Variants in PTPRE observed in about 807,000 individuals in gnomAD.
The protein encoded by PTPRE is receptor-type tyrosine-protein phosphatase epsilon.
A neutral mutation model predicts 102.0 loss-of-function variants in PTPRE; 51 were observed. The observed-to-expected ratio is 0.50, with a 90% CI of 0.40 to 0.63. The LOEUF is 0.63. PTPRE is among the 30% of genes least tolerant of loss of function. The pLI is 0.00. For synonymous variants in PTPRE, 345 were observed against 348.2 expected (o/e 0.99, Z 0.10); for missense variants, 752 against 915.1 (o/e 0.82, Z 2.30).
At chr10:128,017,956 C>G (rs1564887956) in intron 2 of PTPRE, among the ~76,000 whole-genome samples, 1 of 152,216 alleles carries the variant, frequency 6.6e-6, no homozygotes, top group Admixed American at 6.5e-5. Flanking sequence ...GCATCACACA[C>G]AGGGACAGGT....
chr10:128,059,434 G>A (rs905175359), intron 7 of PTPRE, among the ~76,000 whole-genome samples: 2 of 152,194 alleles, frequency 1.3e-5, no homozygotes, highest in South Asian at 2.1e-4. Flanking sequence ...CAGCCTTCCA[G>A]GTGAAGGTGA....
At chr10:127,927,383 TC>T (rs1162196005) in intron 1 of PTPRE, among the ~76,000 whole-genome samples, 1 of 152,196 alleles carries the variant, frequency 6.6e-6, no homozygotes, top group African/African-American at 2.4e-5. Flanking sequence ...GGCAAGACAC[TC>T]CGCATGAGAG....
At position 128,070,986 on chromosome 10, in the gene PTPRE, T is replaced by C; in HGVS notation, c.1387+85T>C. 2 of 1,357,768 alleles carry C rather than the reference T, an allele frequency of 1.5e-6. No homozygotes were observed. The highest frequency in any genetic ancestry group is 1.2e-5 in the South Asian group (1 of 82,410). 84.1% of individuals were successfully genotyped at this position (1,357,768 alleles called of 1,614,324 possible). ...CATCCTGGAGAAGCCATTGACCGCT[T>C]ACCCCTGTGCACCAGGGTCAAAAGC... On this transcript the variant is annotated intron_variant, in intron 15 of 20. Transcript: ENST00000254667. The surrounding 1 kb of genome is among the most constrained non-coding windows in gnomAD (Gnocchi z 4.8).
intron 1 of PTPRE, among the ~76,000 whole-genome samples, chr10:127,973,063 C>T (rs1320482603): frequency 6.6e-6 from 1 of 152,220 alleles, no homozygotes; most frequent in Admixed American, 6.5e-5. Flanking sequence ...AACAGAATGC[C>T]TGTCAAACAT....
intron 1 of PTPRE, among the ~76,000 whole-genome samples, chr10:127,950,192 G>C (rs1848915012): frequency 6.6e-6 from 1 of 152,014 alleles, no homozygotes; most frequent in African/African-American, 2.4e-5. Context: ...AACATGTGTG[G>C]GAGTGGATAT....
chr10:128,075,028 G>C (rs1294242452), intron 17 of PTPRE, among the ~76,000 whole-genome samples: 1 of 152,116 alleles, frequency 6.6e-6, no homozygotes, highest in African/African-American at 2.4e-5. Flanking sequence ...CTGTTGTTTA[G>C]TTTTACTTGT....
intron 15 of PTPRE, chr10:128,071,770 T>G: frequency 4.9e-6 from 1 of 203,554 alleles, no homozygotes; most frequent in East Asian, 1.5e-4. Context: ...GGTGCTGCCA[T>G]CTTCAGACTC....
chr10:128,003,573 TG>T (rs1369151072), intron 2 of PTPRE, among the ~76,000 whole-genome samples: 34 of 152,214 alleles, frequency 2.2e-4, no homozygotes, highest in African/African-American at 8.2e-4. Context: ...GAAATAATCC[TG>T]AATAGCTAGA....
At chr10:127,996,325 C>G (rs916852162) in intron 2 of PTPRE, among the ~76,000 whole-genome samples, 16 of 152,200 alleles carry the variant, frequency 1.1e-4, no homozygotes. Context: ...CCGTCAAAAT[C>G]GCTTTCCACC....
Position 127,943,466 on chromosome 10 carries a change from G to A in PTPRE, c.-31+36157G>A, listed in dbSNP as rs1004835407. ...TGTCTGTGCATGCGAGAACTTTCCC[G>A]TCGTCTTCTCCCATGCAGGAGGGAG... On this transcript the variant is annotated intron_variant, in intron 1 of 20. Transcript: ENST00000254667. Among the ~76,000 whole-genome samples, 9 of 152,118 alleles carry A rather than the reference G, an allele frequency of 5.9e-5. No homozygotes were observed. In the East Asian group the frequency reaches 7.7e-4, roughly 13 times the overall value.
chr10:127,969,674 A>G (rs1243434241), intron 1 of PTPRE, among the ~76,000 whole-genome samples: 4 of 109,538 alleles, frequency 3.7e-5, no homozygotes, highest in Non-Finnish European at 7.5e-5. Flanking sequence ...CTAAAAAGAA[A>G]AAAAAAAAGG....
chr10:128,070,988 C>G lies in PTPRE; in HGVS notation c.1387+87C>G. The G allele has an allele frequency of 7.6e-7, 1 of 1,317,160 alleles. No homozygotes were observed. Among genetic ancestry groups the G allele is most frequent in the Non-Finnish European group, 1.1e-6 (1 of 930,562 alleles). 81.6% of individuals were successfully genotyped at this position (1,317,160 alleles called of 1,614,324 possible). On this transcript the variant is annotated intron_variant, in intron 15 of 20. Transcript: ENST00000254667. This position sits in a 1 kb window ranked among gnomAD's most constrained non-coding sequence, Gnocchi z 4.8. The stretch of plus-strand genomic sequence containing the variant: ...TCCTGGAGAAGCCATTGACCGCTTA[C>G]CCCTGTGCACCAGGGTCAAAAGCAG...
intron 1 of PTPRE, among the ~76,000 whole-genome samples, chr10:127,910,246 G>C (rs1261835297): frequency 1.3e-5 from 2 of 151,988 alleles, no homozygotes; most frequent in African/African-American, 4.8e-5. Flanking sequence ...CTTCCATAAA[G>C]CTCCCAAAGC....
chr10:127,970,873 A>G (rs1371109668), intron 1 of PTPRE, among the ~76,000 whole-genome samples: 2 of 151,952 alleles, frequency 1.3e-5, no homozygotes, highest in African/African-American at 4.8e-5. Context: ...CTTCATTTCA[A>G]TTATGTTTTG....
At chr10:127,910,140 C>G (rs983002873) in intron 1 of PTPRE, among the ~76,000 whole-genome samples, 2 of 152,200 alleles carry the variant, frequency 1.3e-5, no homozygotes, top group African/African-American at 4.8e-5. Flanking sequence ...GACTGGCCTT[C>G]TTAATATTTG....
intron 4 of PTPRE, 85 bp from the exon 5 acceptor site, chr10:128,047,679 A>G (rs1242013059): frequency 3.7e-6 from 6 of 1,613,932 alleles, no homozygotes; most frequent in Non-Finnish European, 5.1e-6. Flanking sequence ...TTCCCGGCTC[A>G]CCTGGTGGGT....
At chr10:127,943,541 C>A (rs1191548073) in intron 1 of PTPRE, among the ~76,000 whole-genome samples, 1 of 152,162 alleles carries the variant, frequency 6.6e-6, no homozygotes, top group Non-Finnish European at 1.5e-5. Flanking sequence ...CGGTGAAGAC[C>A]CCACCCACAG....
intron 18 of PTPRE, 88 bp from the exon 19 acceptor site, chr10:128,077,529 G>T (rs1444854394): frequency 6.7e-6 from 10 of 1,496,622 alleles, no homozygotes; most frequent in Non-Finnish European, 6.3e-6. Flanking sequence ...AGGGCTCCCA[G>T]CCTTGGCCAA....
intron 2 of PTPRE, among the ~76,000 whole-genome samples, chr10:128,020,535 C>T (rs1331035616): frequency 6.6e-6 from 1 of 152,184 alleles, no homozygotes; most frequent in Non-Finnish European, 1.5e-5. Context: ...AACTAGATAA[C>T]CCTGGACGTA....
Sources: allele counts gnomAD v4.1 joint callset (sites outside exome capture counted in the v4.1 genomes callset), GRCh38; gene constraint gnomAD v4.1.1; non-coding constraint Gnocchi (gnomAD v3.1); transcripts MANE v1.5; gene names NCBI Gene and HGNC (gene_info 2026-07-23, HGNC 2026-07-21).